Variants in SPG11 observed in about 807,000 individuals in gnomAD.
The protein encoded by SPG11 is spatacsin.
In SPG11, 222 loss-of-function variants were observed where a neutral mutation model predicts 274.0. The ratio of observed to expected loss-of-function variants is 0.81; its 90% CI spans 0.73 to 0.91. The LOEUF is 0.91. SPG11 is among the 40% of genes least tolerant of loss of function. The pLI, the probability that SPG11 is intolerant of heterozygous loss-of-function variation, is 0.00. For synonymous variants in SPG11, 1,144 were observed against 1,039.7 expected (o/e 1.10, Z -1.93); for missense variants, 3,114 against 2,872.7 (o/e 1.08, Z -1.92).
intron 20 of SPG11, among the ~76,000 whole-genome samples, chr15:44,602,001 T>C (rs2083204115): frequency 6.6e-6 from 1 of 152,244 alleles, no homozygotes; most frequent in African/African-American, 2.4e-5. Flanking sequence ...GATAGTTTTG[T>C]TCATTATCTT....
chr15:44,644,155 A>G (rs980108249), intron 7 of SPG11, among the ~76,000 whole-genome samples: 1 of 151,006 alleles, frequency 6.6e-6, no homozygotes. Context: ...CAACAGAGCA[A>G]GACTCCATCT....
At chr15:44,649,126 T>C in intron 6 of SPG11, 115 bp from the exon 7 acceptor site, 2 of 800,182 alleles carry the variant, frequency 2.5e-6, no homozygotes, top group Non-Finnish European at 4.1e-6. Context: ...AATATATTTA[T>C]ATTTACTGGA....
At chr15:44,597,553 G>C (rs1237906261) in intron 23 of SPG11, among the ~76,000 whole-genome samples, 2 of 152,206 alleles carry the variant, frequency 1.3e-5, no homozygotes, top group African/African-American at 4.8e-5. Context: ...GAAGTTGTCA[G>C]TCAAGAAACT....
At position 44,579,526 on chromosome 15, in the gene SPG11, C is replaced by CAAAAAAA. The variant is rs954664107; in HGVS notation, c.5866+4281_5866+4287dup. On this transcript the variant is annotated intron_variant, in intron 30 of 39. Coordinates refer to ENST00000261866, the MANE Select transcript of SPG11 (RefSeq NM_025137.4). Reference sequence around the variant, plus strand: ...TGGGCGATAGAGTGAGACTCCGTCTCAAAAAAAAAAAAAAAAAAAAAAAGA... The same window carrying CAAAAAAA: ...TGGGCGATAGAGTGAGACTCCGTCTCAAAAAAAAAAAAAAAAAAAAAAAAAAAAAAGA... Among the ~76,000 whole-genome samples the CAAAAAAA allele has an allele frequency of 4.5e-3, 230 of 51,034 alleles. 1 individual carries two copies. Among genetic ancestry groups the CAAAAAAA allele is most frequent in the African/African-American group, 5.9e-3 (79 of 13,340 alleles). The allele number at this position is 51,034 out of a possible 152,430, so 33.5% of individuals were successfully genotyped here. A position where few individuals can be genotyped will look rare whatever the true frequency, so the allele number is the denominator to read the frequency against.
At chr15:44,564,501 A>G in intron 39 of SPG11, 46 bp downstream of exon 39, 4 of 1,604,690 alleles carry the variant, frequency 2.5e-6, no homozygotes, top group Non-Finnish European at 3.4e-6. Flanking sequence ...TCTCACCTCA[A>G]AGCAGAGGCA....
chr15:44,573,391 AT>A, intron 32 of SPG11, 155 bp downstream of exon 32: 1 of 747,744 alleles, frequency 1.3e-6, no homozygotes, highest in South Asian at 1.5e-5. Flanking sequence ...AAAATAAAGC[AT>A]GTATTTTGTT....
chr15:44,630,380 G>A (rs886894609), intron 8 of SPG11, among the ~76,000 whole-genome samples: 1 of 152,116 alleles, frequency 6.6e-6, no homozygotes, highest in Non-Finnish European at 1.5e-5. Flanking sequence ...GGTGAGAGTG[G>A]AATGAGGAGA....
chr15:44,576,945 G>C (rs2082551882), intron 30 of SPG11, among the ~76,000 whole-genome samples: 1 of 151,858 alleles, frequency 6.6e-6, no homozygotes, highest in Non-Finnish European at 1.5e-5. Flanking sequence ...TCCTGCCTCA[G>C]ACTCCAGTGT....
intron 6 of SPG11, among the ~76,000 whole-genome samples, chr15:44,649,247 G>A (rs756355092): frequency 2.0e-5 from 3 of 151,882 alleles, no homozygotes; most frequent in South Asian, 4.2e-4. Flanking sequence ...TGCCTAGGCC[G>A]GAGGGCAGTG....
intron 3 of SPG11, 132 bp from the exon 4 acceptor site, chr15:44,657,428 G>C (rs976198919): frequency 1.3e-6 from 1 of 769,172 alleles, no homozygotes; most frequent in Non-Finnish European, 2.1e-6. Context: ...TGAAAACTGA[G>C]GCAAGCCCCC....
intron 33 of SPG11, among the ~76,000 whole-genome samples, chr15:44,571,119 TCAC>T (rs2082414465): frequency 6.6e-6 from 1 of 152,050 alleles, no homozygotes; most frequent in Non-Finnish European, 1.5e-5. Context: ...AATACTACAA[TCAC>T]TGTAAGCACA....
intron 16 of SPG11, among the ~76,000 whole-genome samples, chr15:44,613,884 A>G (rs952108207): frequency 5.3e-5 from 8 of 152,192 alleles, no homozygotes; most frequent in African/African-American, 1.9e-4. Context: ...GAGGCTTTTA[A>G]AAAACTCTTA....
chr15:44,625,847 T>A (rs1035497122), intron 11 of SPG11, among the ~76,000 whole-genome samples: 13 of 151,750 alleles, frequency 8.6e-5, no homozygotes, highest in Non-Finnish European at 1.9e-4. Context: ...ACCCGGCTTA[T>A]TTTTCTACTT....
Position 44,584,558 on chromosome 15 carries a change from T to C in SPG11, c.5122A>G (p.Ile1708Val), listed in dbSNP as rs2082719584. 20 of 1,607,974 alleles carry C rather than the reference T, an allele frequency of 1.2e-5. No homozygotes were observed. The highest frequency in any genetic ancestry group is 2.7e-5 in the African/African-American group (2 of 74,942). ...TTTAGGGTCTGCATTTCCTGTGTTATCTGTGAAATTTAACAAAGCAGATTT... is the reference window on the plus strand; with the variant it reads ...TTTAGGGTCTGCATTTCCTGTGTTACCTGTGAAATTTAACAAAGCAGATTT... ...LPVDNLVIKE[I>V]TQEMQTLKHI... The change falls in exon 30 of 40, where the codon ATA (isoleucine) becomes GTA (valine). Residue 1708 changes from isoleucine to valine, a missense_variant and splice_region_variant. Ile to Val is a conservative substitution (Grantham distance 29). Transcript: ENST00000261866.
In SPG11 at chr15:44,628,785, G is replaced by A. The variant is rs199588440; in HGVS notation, c.1951C>T (p.Arg651Ter). 2.5e-5 allele frequency: 41 copies of A among 1,613,612 alleles called. No homozygotes were observed. The highest frequency in any genetic ancestry group is 2.8e-5 in the Non-Finnish European group (33 of 1,179,892). ...NILTSYINEL[R>*]TFMIKFPWKL... is the part of the protein sequence containing the mutation. ...CAAGGAAACTTTATCATGAAGGTTC[G>A]AAGTTCATTAATGTAGCTAGTCAAA... is the stretch of plus-strand genomic sequence containing the variant. Residue 651 changes from arginine (R) to a stop codon, truncating the protein, a stop_gained, in exon 10 of 40, where the codon CGA becomes TGA. Coordinates refer to ENST00000261866, the MANE Select transcript of SPG11 (RefSeq NM_025137.4). LOFTEE classifies it high-confidence loss of function.
intron 30 of SPG11, 122 bp downstream of exon 30, chr15:44,583,691 TG>T: frequency 7.9e-7 from 1 of 1,266,038 alleles, no homozygotes; most frequent in Non-Finnish European, 1.1e-6. Context: ...ACAGATTACC[TG>T]GAAAAAAGTT....
chr15:44,643,263 C>T (rs2084508482), intron 7 of SPG11, among the ~76,000 whole-genome samples: 2 of 151,770 alleles, frequency 1.3e-5, no homozygotes, highest in African/African-American at 4.8e-5. Flanking sequence ...TAAAATGGGG[C>T]TAACAGTATT....
Position 44,654,440 on chromosome 15 carries a change from G to A in SPG11, c.870-2174C>T, listed in dbSNP as rs568564634. ...CGAGAATCACTTGATCCCAGGAGGC[G>A]GACCTTGCAGTGGGCCGAGACTGCA... is the stretch of plus-strand genomic sequence containing the variant. On this transcript the variant is annotated intron_variant, in intron 4 of 39. Coordinates refer to ENST00000261866, the MANE Select transcript of SPG11 (RefSeq NM_025137.4). Among the ~76,000 whole-genome samples, 71 of 152,124 alleles carry A rather than the reference G, an allele frequency of 4.7e-4. 1 individual carries two copies. The highest frequency in any genetic ancestry group is 1.3e-3 in the African/African-American group (52 of 41,502).
chr15:44,578,319 C>A (rs1448842228), intron 30 of SPG11, among the ~76,000 whole-genome samples: 1 of 151,914 alleles, frequency 6.6e-6, no homozygotes, highest in African/African-American at 2.4e-5. Flanking sequence ...GCGTGAGCCA[C>A]CGCGCCTGGC....
Sources: allele counts gnomAD v4.1 joint callset (sites outside exome capture counted in the v4.1 genomes callset), GRCh38; gene constraint gnomAD v4.1.1; transcripts MANE v1.5; gene names NCBI Gene and HGNC (gene_info 2026-07-23, HGNC 2026-07-21).